CNTNAP4: variants seen among roughly 807,000 people sequenced by gnomAD.
CNTNAP4 encodes the protein contactin-associated protein-like 4.
CNTNAP4 carries 98 observed loss-of-function variants against 148.4 expected under a neutral mutation model. The observed-to-expected ratio is 0.66, with a 90% CI of 0.56 to 0.78. CNTNAP4 has a LOEUF of 0.78. Among genes scored for constraint, CNTNAP4 ranks in the 30% least tolerant of loss-of-function variants. The probability of loss-of-function intolerance (pLI) is 0.00; values close to 1 mark genes in which losing one functional copy is unlikely to be tolerated. For synonymous variants in CNTNAP4, 730 were observed against 565.1 expected (o/e 1.29, Z -4.14); for missense variants, 1,935 against 1,565.6 (o/e 1.24, Z -3.98).
chr16:76,515,223 A>G (rs1402418894), intron 15 of CNTNAP4, among the ~76,000 whole-genome samples: 2 of 152,214 alleles, frequency 1.3e-5, no homozygotes, highest in African/African-American at 2.4e-5. Context: ...ATATATGAAG[A>G]ATCCTCAAAA....
intron 23 of CNTNAP4, 137 bp downstream of exon 23, chr16:76,554,044 A>G (rs1159871413): frequency 7.3e-5 from 40 of 548,668 alleles, no homozygotes; most frequent in East Asian, 6.0e-4. Flanking sequence ...CATTGGGGTG[A>G]TTTACTATTT....
At chr16:76,464,858 G>T (rs571158604) in intron 9 of CNTNAP4, among the ~76,000 whole-genome samples, 88 of 152,240 alleles carry the variant, frequency 5.8e-4, no homozygotes, top group Non-Finnish European at 1.5e-4. Context: ...ACTGTATTGT[G>T]GTGGTACATT....
chr16:76,431,249 G>T (rs4427835), intron 4 of CNTNAP4, among the ~76,000 whole-genome samples: 109,158 of 152,062 alleles, frequency 0.72, 42,341 homozygotes, highest in Non-Finnish European at 0.87. Context: ...ATGATTATTT[G>T]AGTACAGTCA....
At chr16:76,511,838 G>GGAGAGAGAGAGAGAGAGAGAGAGA (rs61708542) in intron 15 of CNTNAP4, among the ~76,000 whole-genome samples, 13 of 148,272 alleles carry the variant, frequency 8.8e-5, no homozygotes, top group East Asian at 6.0e-4. Context: ...ATATTTTCTT[G>GGAGAGAGAGAGAGAGAGAGAGAGA]GAGAGAGAGA....
At chr16:76,473,767 C>T (rs979408891) in intron 10 of CNTNAP4, among the ~76,000 whole-genome samples, 8 of 151,960 alleles carry the variant, frequency 5.3e-5, no homozygotes, top group Non-Finnish European at 1.0e-4. Flanking sequence ...GAGTGAGACT[C>T]CATCCCAAAC....
At chr16:76,286,478 A>C (rs750292611) in intron 1 of CNTNAP4, among the ~76,000 whole-genome samples, 1 of 152,084 alleles carries the variant, frequency 6.6e-6, no homozygotes, top group Non-Finnish European at 1.5e-5. Flanking sequence ...GCGATCTCAA[A>C]GATCTTTATT....
At chr16:76,360,402 G>C (rs1214306160) in intron 3 of CNTNAP4, among the ~76,000 whole-genome samples, 1 of 152,216 alleles carries the variant, frequency 6.6e-6, no homozygotes, top group Non-Finnish European at 1.5e-5. Context: ...TAGTTTAATA[G>C]AAAATCTGAG....
chr16:76,439,956 T>C (rs2079972208), intron 4 of CNTNAP4, among the ~76,000 whole-genome samples: 1 of 152,176 alleles, frequency 6.6e-6, no homozygotes, highest in Admixed American at 6.6e-5. Context: ...TCTATCATGC[T>C]GCTACTTTAA....
chr16:76,326,498 T>C lies in CNTNAP4; in HGVS notation c.196+9975T>C, dbSNP rs575092019. ...ATGCTGCTATAAAGACACATGCACA[T>C]GTATGTTTATTGCGGCACTATTCAC... is the stretch of plus-strand genomic sequence containing the variant. On this transcript the variant is annotated intron_variant, in intron 2 of 23. Transcript: ENST00000611870. Among the ~76,000 whole-genome samples the C allele has an allele frequency of 2.6e-5, 4 of 152,264 alleles. No homozygotes were observed. The East Asian group carries it at 7.7e-4, about 29-fold the overall frequency.
chr16:76,316,958 A>T (rs1417112186), intron 2 of CNTNAP4, among the ~76,000 whole-genome samples: 1 of 152,012 alleles, frequency 6.6e-6, no homozygotes, highest in Non-Finnish European at 1.5e-5. Context: ...ACATAATAAG[A>T]TTTTCATGGT....
At chr16:76,553,717 A>G (rs2085069302) in intron 22 of CNTNAP4, 119 bp from the exon 23 acceptor site, 2 of 683,136 alleles carry the variant, frequency 2.9e-6, no homozygotes, top group Non-Finnish European at 2.5e-6. Flanking sequence ...ATTGAAAATA[A>G]CAGAGATCCC....
intron 1 of CNTNAP4, among the ~76,000 whole-genome samples, chr16:76,303,352 A>C (rs1960175239): frequency 1.3e-5 from 2 of 152,234 alleles, no homozygotes; most frequent in Admixed American, 6.5e-5. Flanking sequence ...TACAAATAAC[A>C]ACTCTTAAAA....
intron 1 of CNTNAP4, among the ~76,000 whole-genome samples, chr16:76,296,278 G>A (rs1298427085): frequency 1.3e-5 from 2 of 152,144 alleles, no homozygotes; most frequent in Admixed American, 6.5e-5. Context: ...GCAACACAGA[G>A]CATTATAATG....
intron 3 of CNTNAP4, among the ~76,000 whole-genome samples, chr16:76,373,916 AAAAGG>A (rs1465693206): frequency 1.2e-4 from 18 of 148,354 alleles, no homozygotes; most frequent in Admixed American, 2.7e-4. Flanking sequence ...AAAAAAAAAG[AAAAGG>A]AAAGGAAACA....
chr16:76,355,683 A>G (rs1351248466), intron 3 of CNTNAP4, among the ~76,000 whole-genome samples, 172 bp downstream of exon 3: 1 of 152,172 alleles, frequency 6.6e-6, no homozygotes, highest in Non-Finnish European at 1.5e-5. Flanking sequence ...ATTTTATGGT[A>G]AATTTATGAG....
chr16:76,419,977 C>T (rs74026769), intron 3 of CNTNAP4, among the ~76,000 whole-genome samples: 4,557 of 152,044 alleles, frequency 0.03, 231 homozygotes, highest in African/African-American at 0.11. Flanking sequence ...TTTCCAAATA[C>T]AGTCACATTG....
chr16:76,383,120 T>TTG (rs1433269126), intron 3 of CNTNAP4, among the ~76,000 whole-genome samples: 2 of 151,912 alleles, frequency 1.3e-5, no homozygotes, highest in East Asian at 3.9e-4. Flanking sequence ...CACTTTTTTT[T>TTG]TTTTAATTAC....
chr16:76,415,930 G>GT (rs35758749), intron 3 of CNTNAP4, among the ~76,000 whole-genome samples: 450 of 146,276 alleles, frequency 3.1e-3, no homozygotes, highest in African/African-American at 0.01. Context: ...TATACTGTTT[G>GT]TTTTTTTTTT....
intron 1 of CNTNAP4, among the ~76,000 whole-genome samples, chr16:76,280,233 C>T (rs553230855): frequency 4.6e-5 from 7 of 152,296 alleles, no homozygotes; most frequent in Admixed American, 2.0e-4. Flanking sequence ...AGTTTGAAAG[C>T]TTTCATGGGA....
Sources: allele counts gnomAD v4.1 joint callset (sites outside exome capture counted in the v4.1 genomes callset), GRCh38; gene constraint gnomAD v4.1.1; transcripts MANE v1.5; gene names NCBI Gene and HGNC (gene_info 2026-07-23, HGNC 2026-07-21).